TFEC: variants seen among roughly 807,000 people sequenced by gnomAD.
The protein encoded by TFEC is transcription factor EC.
Under a neutral mutation model 41.6 loss-of-function variants are expected in TFEC, and 31 were observed. The ratio of observed to expected loss-of-function variants is 0.74; its 90% CI spans 0.56 to 1.01. TFEC has a LOEUF of 1.01. Among genes scored for constraint, TFEC ranks in the 50% least tolerant of loss-of-function variants. TFEC has a pLI of 0.00. For missense variants in TFEC, 402 were observed against 404.1 expected (o/e 0.99, Z 0.04); for synonymous variants, 143 against 140.6 (o/e 1.02, Z -0.12).
At chr7:116,124,433 G>T (rs1798170945) in intron 1 of TFEC, among the ~76,000 whole-genome samples, 1 of 152,148 alleles carries the variant, frequency 6.6e-6, no homozygotes, top group African/African-American at 2.4e-5. Flanking sequence ...GAAATAGCAA[G>T]ACTGGGAGAA....
intron 3 of TFEC, among the ~76,000 whole-genome samples, chr7:116,042,162 T>C (rs1165905974): frequency 2.0e-5 from 3 of 152,336 alleles, no homozygotes; most frequent in African/African-American, 7.2e-5. Flanking sequence ...ATGACATTTC[T>C]AGCACAATGA....
At chr7:116,015,310 C>G (rs1477181903) in intron 1 of TFEC, among the ~76,000 whole-genome samples, 2 of 151,938 alleles carry the variant, frequency 1.3e-5, no homozygotes, top group Non-Finnish European at 2.9e-5. Flanking sequence ...TAATCAATCC[C>G]TCAATGTTAT....
intron 3 of TFEC, among the ~76,000 whole-genome samples, chr7:116,099,723 G>T (rs918769426): frequency 6.6e-6 from 1 of 152,184 alleles, no homozygotes; most frequent in African/African-American, 2.4e-5. Context: ...AGCCCATATT[G>T]CTAACCCAGA....
intron 3 of TFEC, among the ~76,000 whole-genome samples, chr7:116,056,960 A>C (rs1447960245): frequency 6.6e-6 from 1 of 152,142 alleles, no homozygotes. Context: ...ATGTAAAGAC[A>C]TACAATATAT....
At chr7:115,949,710 T>A (rs907848798) in intron 6 of TFEC, among the ~76,000 whole-genome samples, 39 of 151,944 alleles carry the variant, frequency 2.6e-4, no homozygotes, top group African/African-American at 9.4e-4. Flanking sequence ...CAAGATGGAT[T>A]AAAGACTTAA....
At chr7:116,108,771 C>T (rs1026106101) in intron 3 of TFEC, among the ~76,000 whole-genome samples, 4 of 152,186 alleles carry the variant, frequency 2.6e-5, no homozygotes, top group African/African-American at 9.6e-5. Flanking sequence ...TACCTACACA[C>T]ACTGTGATAG....
At chr7:115,983,223 G>A (rs1418740722) in intron 2 of TFEC, among the ~76,000 whole-genome samples, 1 of 151,782 alleles carries the variant, frequency 6.6e-6, no homozygotes, top group Non-Finnish European at 1.5e-5. Flanking sequence ...TATACATGTA[G>A]GTATTTACAT....
intron 1 of TFEC, among the ~76,000 whole-genome samples, chr7:116,007,119 GT>G (rs1168097350): frequency 6.6e-6 from 1 of 152,082 alleles, no homozygotes; most frequent in Admixed American, 6.6e-5. Context: ...TGTATCTACG[GT>G]TTTACCTTTT....
At chr7:115,984,616 G>A (rs147347043) in intron 1 of TFEC, 103 bp from the exon 2 acceptor site, 67 of 1,335,748 alleles carry the variant, frequency 5.0e-5, no homozygotes, top group East Asian at 3.3e-4. Context: ...CTACACTATA[G>A]CATCTAGTTT....
intron 1 of TFEC, among the ~76,000 whole-genome samples, chr7:116,155,362 T>A (rs1206423272): frequency 6.6e-6 from 1 of 152,214 alleles, no homozygotes; most frequent in African/African-American, 2.4e-5. Flanking sequence ...ATCGAAGGAC[T>A]ATTTTACAAA....
At chr7:116,156,049 A>G (rs1296292952) in intron 1 of TFEC, among the ~76,000 whole-genome samples, 1 of 152,136 alleles carries the variant, frequency 6.6e-6, no homozygotes, top group African/African-American at 2.4e-5. Context: ...TTTAAATTTC[A>G]TACCTGAGGC....
At chr7:116,006,090 G>T (rs998299901) in intron 1 of TFEC, among the ~76,000 whole-genome samples, 9 of 152,216 alleles carry the variant, frequency 5.9e-5, no homozygotes, top group Admixed American at 3.9e-4. Flanking sequence ...GCAGAAGTTT[G>T]CTGCAGGGAC....
At chr7:115,990,928 G>C (rs1287390381) in intron 1 of TFEC, among the ~76,000 whole-genome samples, 1 of 152,102 alleles carries the variant, frequency 6.6e-6, no homozygotes, top group Admixed American at 6.6e-5. Flanking sequence ...ACACATAATT[G>C]TGAGATTCGC....
rs1297599432 is a variant in TFEC at position 115,939,341 on chromosome 7, C to T, written c.*1210G>A. ...ACTTAATTTCCTAACCTAAAACAAG[C>T]GCAAGAGATAAAAATCTAAATGAAG... On this transcript the variant is annotated 3_prime_UTR_variant, in exon 8 of 8. Transcript: ENST00000265440. The T allele has an allele frequency of 2.6e-5, 4 of 151,850 alleles. No individual in the cohort carries two copies. Among genetic ancestry groups the T allele is most frequent in the Admixed American group, 6.6e-5 (1 of 15,226 alleles). 9.4% of individuals were successfully genotyped at this position (151,850 alleles called of 1,614,324 possible).
At chr7:115,968,176 C>T (rs1792960434) in intron 3 of TFEC, 4 of 1,524,072 alleles carry the variant, frequency 2.6e-6, no homozygotes, top group Non-Finnish European at 2.6e-6. Flanking sequence ...CCAAAATATA[C>T]TTGCTCACCA....
intron 3 of TFEC, chr7:115,968,290 T>C: frequency 6.6e-7 from 1 of 1,518,954 alleles, no homozygotes; most frequent in Non-Finnish European, 8.8e-7. Context: ...CCAAGAGAAC[T>C]GTGTGGAAAC....
chr7:116,075,926 C>T (rs756301185), intron 3 of TFEC, among the ~76,000 whole-genome samples: 10 of 152,164 alleles, frequency 6.6e-5, no homozygotes, highest in Non-Finnish European at 1.0e-4. Flanking sequence ...ACAGCTAATG[C>T]GCTCTTGAAA....
chr7:116,076,838 T>A (rs1796970715), intron 3 of TFEC, among the ~76,000 whole-genome samples: 1 of 152,046 alleles, frequency 6.6e-6, no homozygotes, highest in Admixed American at 6.6e-5. Flanking sequence ...ATCTAAACAT[T>A]TGGTAAACAT....
chr7:115,968,772 T>C (rs923821229), intron 3 of TFEC, among the ~76,000 whole-genome samples: 1 of 151,874 alleles, frequency 6.6e-6, no homozygotes, highest in African/African-American at 2.4e-5. Flanking sequence ...ATGGGTAAGA[T>C]AGTTGCACTG....
Sources: gnomAD v4.1 joint callset for allele counts (sites outside exome capture counted in the v4.1 genomes callset) on GRCh38, gnomAD v4.1.1 for gene constraint, MANE v1.5 for transcripts, NCBI Gene and HGNC (gene_info 2026-07-23, HGNC 2026-07-21) for gene names.